Variants in ANKRD30BL observed in about 807,000 individuals in gnomAD.
The protein encoded by ANKRD30BL is putative ankyrin repeat domain-containing protein 30B-like.
ANKRD30BL carries 20 observed loss-of-function variants against 18.4 expected under a neutral mutation model. That is an observed-to-expected ratio of 1.09 (90% CI 0.77 to 1.58). The LOEUF is 1.58. Ranked by LOEUF, ANKRD30BL falls within the 40% of genes most tolerant of loss-of-function variation. ANKRD30BL has a pLI of 0.00. For synonymous variants in ANKRD30BL, 72 were observed against 100.9 expected, an observed-to-expected ratio of 0.71 and a Z score of 1.72; for missense variants, 224 against 268.6, an observed-to-expected ratio of 0.83 and a Z score of 1.16.
At chr2:132,163,783 C>T (rs1440979272), upstream of ANKRD30BL, among the ~76,000 whole-genome samples, 1 of 152,190 alleles carries the variant, frequency 6.6e-6, no homozygotes, top group Non-Finnish European at 1.5e-5. Flanking sequence ...ATGCCCAGCC[C>T]CAGGGCCCAA....
At chr2:132,253,517 C>T (rs954636957) in intron 1 of ANKRD30BL, among the ~76,000 whole-genome samples, 17 of 152,100 alleles carry the variant, frequency 1.1e-4, no homozygotes, top group Admixed American at 5.2e-4. Context: ...CAGGGGTTCC[C>T]GCCCCCACAG....
intron 1 of ANKRD30BL, among the ~76,000 whole-genome samples, chr2:132,240,028 T>G (rs62166220): frequency 7.3e-5 from 11 of 151,392 alleles, no homozygotes; most frequent in African/African-American, 2.7e-4. Context: ...CTTGTGATGT[T>G]TGCATTCAAC....
chr2:132,175,947 G>A (rs1421429673), intron 1 of ANKRD30BL, among the ~76,000 whole-genome samples: 1 of 152,166 alleles, frequency 6.6e-6, no homozygotes, highest in Non-Finnish European at 1.5e-5. Flanking sequence ...TCAGGGCAAA[G>A]CAATTGTTCA....
chr2:132,217,498 A>T (rs941708191), intron 1 of ANKRD30BL, among the ~76,000 whole-genome samples: 10 of 152,154 alleles, frequency 6.6e-5, no homozygotes, highest in Non-Finnish European at 1.3e-4. Flanking sequence ...TTCAACTCAC[A>T]GAGTTGAAGA....
intron 1 of ANKRD30BL, among the ~76,000 whole-genome samples, chr2:132,231,004 CAGA>C (rs1206219974): frequency 1.3e-5 from 2 of 152,132 alleles, no homozygotes; most frequent in Non-Finnish European, 2.9e-5. Flanking sequence ...AATCACTAGA[CAGA>C]AGATTTCTCA....
At chr2:132,232,867 C>T (rs1325806740) in intron 1 of ANKRD30BL, among the ~76,000 whole-genome samples, 1 of 151,852 alleles carries the variant, frequency 6.6e-6, no homozygotes, top group East Asian at 1.9e-4. Flanking sequence ...AAGAGCAACT[C>T]CAAGACACAT....
In ANKRD30BL at chr2:132,231,784, G is replaced by T. The variant is rs1017666312; in HGVS notation, n.441+25745C>A. ...GGGAGGGGCACCCGCCATTACCCAG[G>T]CTTGCTTAGGTAAACAAAGCAGCCA... On this transcript the variant is annotated intron_variant and non_coding_transcript_variant, in intron 1 of 4. Coordinates refer to the ANKRD30BL transcript ENST00000470729. Among the ~76,000 whole-genome samples, 7 of 152,226 alleles carry T rather than the reference G, an allele frequency of 4.6e-5. No individual in the cohort carries two copies. In the East Asian group the frequency reaches 1.3e-3, roughly 29 times the overall value.
chr2:132,218,720 G>A (rs1679582687), intron 1 of ANKRD30BL, among the ~76,000 whole-genome samples: 1 of 148,098 alleles, frequency 6.8e-6, no homozygotes, highest in Admixed American at 6.8e-5. Context: ...TTATCATAGA[G>A]CAGTTTTGAA....
At chr2:132,183,212 A>C (rs982414710) in intron 1 of ANKRD30BL, among the ~76,000 whole-genome samples, 2 of 149,576 alleles carry the variant, frequency 1.3e-5, no homozygotes, top group Non-Finnish European at 2.9e-5. Flanking sequence ...GCTCGTTGTG[A>C]CCTTTACCTC....
intron 1 of ANKRD30BL, among the ~76,000 whole-genome samples, chr2:132,170,402 G>A (rs533758472): frequency 8.5e-5 from 13 of 152,126 alleles, no homozygotes; most frequent in Non-Finnish European, 1.6e-4. Flanking sequence ...CCCAGCCTCC[G>A]TCCTGGAACA....
chr2:132,181,692 A>G (rs891499585), intron 1 of ANKRD30BL, among the ~76,000 whole-genome samples: 1 of 152,256 alleles, frequency 6.6e-6, no homozygotes, highest in African/African-American at 2.4e-5. Context: ...GTGTAAATGA[A>G]TATGTATTTT....
rs193249601 is a variant in ANKRD30BL at position 132,227,520 on chromosome 2, T to C, written n.441+30009A>G. Among the ~76,000 whole-genome samples the C allele has an allele frequency of 1.7e-3, 252 of 152,098 alleles. 2 individuals are homozygous for C. The highest frequency in any genetic ancestry group is 9.6e-3 in the Admixed American group (147 of 15,250). ...CTGCAAGTGGATATTAGGTACCCCTTGAGACCCTCCTTGGAAACGGGAATA... is the reference window on the plus strand; with the variant it reads ...CTGCAAGTGGATATTAGGTACCCCTCGAGACCCTCCTTGGAAACGGGAATA... On this transcript the variant is annotated intron_variant and non_coding_transcript_variant, in intron 1 of 4. Coordinates refer to the ANKRD30BL transcript ENST00000470729.
At chr2:132,213,916 A>T (rs930131230) in intron 1 of ANKRD30BL, among the ~76,000 whole-genome samples, 4 of 152,038 alleles carry the variant, frequency 2.6e-5, no homozygotes, top group African/African-American at 4.8e-5. Flanking sequence ...CAGCTTTGAA[A>T]CACTCTTTTT....
chr2:132,212,906 A>G (rs1345428742), intron 1 of ANKRD30BL, among the ~76,000 whole-genome samples: 1 of 151,996 alleles, frequency 6.6e-6, no homozygotes, highest in African/African-American at 2.4e-5. Flanking sequence ...AACAGTTTTG[A>G]AACAATCGTT....
chr2:132,221,633 G>A (rs1183902436), intron 1 of ANKRD30BL, among the ~76,000 whole-genome samples: 1 of 124,534 alleles, frequency 8.0e-6, no homozygotes, highest in Non-Finnish European at 1.6e-5. Flanking sequence ...GCCCAGTCCG[G>A]GAGGGAGGTG....
chr2:132,243,155 C>A (rs1680385894), intron 1 of ANKRD30BL, among the ~76,000 whole-genome samples: 1 of 151,528 alleles, frequency 6.6e-6, no homozygotes, highest in Admixed American at 6.6e-5. Context: ...ATTGGAAAAA[C>A]TCTTTTGTTG....
chr2:132,240,670 A>G (rs1573881314), intron 1 of ANKRD30BL, among the ~76,000 whole-genome samples: 1 of 151,726 alleles, frequency 6.6e-6, no homozygotes, highest in Non-Finnish European at 1.5e-5. Flanking sequence ...TCTTCACATA[A>G]AAACTAGACA....
At chr2:132,232,653 T>C (rs1171452336) in intron 1 of ANKRD30BL, among the ~76,000 whole-genome samples, 2 of 151,912 alleles carry the variant, frequency 1.3e-5, no homozygotes, top group Admixed American at 6.6e-5. Context: ...TAAAAAGAAA[T>C]GAGCAAAGCC....
intron 1 of ANKRD30BL, among the ~76,000 whole-genome samples, chr2:132,186,428 GTTGT>G (rs1396483588): frequency 6.6e-6 from 1 of 152,148 alleles, no homozygotes; most frequent in Non-Finnish European, 1.5e-5. Context: ...TAATTGTCAA[GTTGT>G]TTAATTTCTG....
Sources: gnomAD v4.1 joint callset for allele counts (sites outside exome capture counted in the v4.1 genomes callset) on GRCh38, gnomAD v4.1.1 for gene constraint, MANE v1.5 for transcripts, NCBI Gene and HGNC (gene_info 2026-07-23, HGNC 2026-07-21) for gene names.